The following SYCP2 variants were observed in gnomAD, a reference collection of about 807,000 sequenced individuals.
The protein encoded by SYCP2 is synaptonemal complex lateral element protein.
Under a neutral mutation model 211.3 loss-of-function variants are expected in SYCP2, and 55 were observed. That is an observed-to-expected ratio of 0.26 (90% CI 0.21 to 0.33). SYCP2 has a LOEUF of 0.33. SYCP2 is among the 10% of genes least tolerant of loss of function. The pLI is 1.00. For synonymous variants in SYCP2, 570 were observed against 555.2 expected, an observed-to-expected ratio of 1.03 and a Z score of -0.37; for missense variants, 1,731 against 1,752.0, an observed-to-expected ratio of 0.99 and a Z score of 0.21.
chr20:59,869,039 C>A, intron 36 of SYCP2, 114 bp from the exon 37 acceptor site: 1 of 685,620 alleles, frequency 1.5e-6, no homozygotes. Context: ...AATTCTTTCT[C>A]AGATTGTTTC....
chr20:59,880,135 C>T (rs572110092), intron 31 of SYCP2, among the ~76,000 whole-genome samples, 168 bp downstream of exon 31: 5 of 151,100 alleles, frequency 3.3e-5, no homozygotes, highest in South Asian at 4.2e-4. Context: ...TAAATATAAC[C>T]GTATTACTAA....
intron 18 of SYCP2, among the ~76,000 whole-genome samples, chr20:59,898,797 A>G (rs2060060581): frequency 6.6e-6 from 1 of 152,206 alleles, no homozygotes; most frequent in Non-Finnish European, 1.5e-5. Context: ...TGCAAATCTA[A>G]GTATGCTTTA....
At chr20:59,882,029 T>G in intron 27 of SYCP2, 27 bp from the exon 28 acceptor site, 1 of 1,609,380 alleles carries the variant, frequency 6.2e-7, no homozygotes, top group Non-Finnish European at 8.5e-7. Context: ...CAATATTAGC[T>G]CCACTTAAAT....
chr20:59,889,904 A>C (rs1359937221), intron 24 of SYCP2, among the ~76,000 whole-genome samples: 1 of 151,216 alleles, frequency 6.6e-6, no homozygotes, highest in African/African-American at 2.4e-5. Context: ...AAGTAAGGAA[A>C]CAACAAATGC....
At chr20:59,905,609 T>C (rs555888305) in intron 15 of SYCP2, among the ~76,000 whole-genome samples, 1 of 152,252 alleles carries the variant, frequency 6.6e-6, no homozygotes, top group South Asian at 2.1e-4. Flanking sequence ...AGTACAAGGA[T>C]GGATAGATTA....
At chr20:59,916,251 C>A (rs1203522005) in intron 8 of SYCP2, among the ~76,000 whole-genome samples, 1 of 151,854 alleles carries the variant, frequency 6.6e-6, no homozygotes, top group Admixed American at 6.6e-5. Context: ...ACTTAAGCAC[C>A]CCAAAAATCT....
chr20:59,913,736 G>A (rs887371224), intron 12 of SYCP2, among the ~76,000 whole-genome samples: 1 of 151,984 alleles, frequency 6.6e-6, no homozygotes, highest in East Asian at 1.9e-4. Flanking sequence ...AAACAGAAAT[G>A]AACTTTTCCC....
At chr20:59,872,405 A>C (rs758081179) in intron 35 of SYCP2, among the ~76,000 whole-genome samples, 4 of 151,930 alleles carry the variant, frequency 2.6e-5, no homozygotes, top group Non-Finnish European at 5.9e-5. Flanking sequence ...GACTGTGGAG[A>C]TATCGTAGTG....
intron 7 of SYCP2, among the ~76,000 whole-genome samples, chr20:59,918,517 T>C (rs1774484105): frequency 1.3e-5 from 2 of 152,200 alleles, no homozygotes; most frequent in Admixed American, 6.5e-5. Context: ...TCCATTTAAT[T>C]GTGCAACTGG....
intron 2 of SYCP2, among the ~76,000 whole-genome samples, chr20:59,930,785 C>T (rs1249499206): frequency 6.6e-6 from 1 of 151,910 alleles, no homozygotes; most frequent in Admixed American, 6.6e-5. Context: ...TTTAAGGAAA[C>T]AATTACAATT....
chr20:59,879,838 T>TATATAC (rs1568921863), intron 31 of SYCP2, among the ~76,000 whole-genome samples: 1 of 116,344 alleles, frequency 8.6e-6, no homozygotes, highest in Non-Finnish European at 1.7e-5. Flanking sequence ...TATATATATA[T>TATATAC]ATATATATAT....
intron 26 of SYCP2, among the ~76,000 whole-genome samples, chr20:59,882,755 C>T (rs185758068): frequency 5.3e-5 from 8 of 151,834 alleles, no homozygotes; most frequent in Admixed American, 3.9e-4. Context: ...GAGCGTAGAA[C>T]GGTGATTATC....
At chr20:59,921,000 TA>T in intron 4 of SYCP2, among the ~76,000 whole-genome samples, 1 of 151,762 alleles carries the variant, frequency 6.6e-6, no homozygotes, top group Non-Finnish European at 1.5e-5. Context: ...AGGTTTTTTT[TA>T]AAAATCTATG....
Position 59,892,398 on chromosome 20 carries a change from T to C in SYCP2, c.1956A>G (p.Lys652=). 1.9e-6 allele frequency: 3 copies of C among 1,541,034 alleles called. No individual in the cohort carries two copies. Among genetic ancestry groups the C allele is most frequent in the Non-Finnish European group, 2.6e-6 (3 of 1,136,898 alleles). ...QDIVINKKLT[K]QKSSSSISDH... The stretch of plus-strand genomic sequence containing the variant: ...CAGATATTGAAGAGGATGATTTTTG[T>C]TTAGTAAGTTTTTTATTTATAACAA... Residue 652 remains lysine (K), a synonymous_variant, in exon 24 of 45, where the codon AAA becomes AAG. Transcript: ENST00000357552.
chr20:59,896,143 A>G (rs1200467984), intron 19 of SYCP2, among the ~76,000 whole-genome samples: 1 of 152,094 alleles, frequency 6.6e-6, no homozygotes, highest in Non-Finnish European at 1.5e-5. Context: ...TGGGGAGCTA[A>G]GTCCACCTGG....
chr20:59,888,845 A>G (rs757819229), intron 24 of SYCP2, among the ~76,000 whole-genome samples: 1 of 152,110 alleles, frequency 6.6e-6, no homozygotes. Context: ...CTTATAAACC[A>G]ACAATGAACA....
At chr20:59,882,234 A>T (rs941348945) in intron 26 of SYCP2, 69 bp from the exon 27 acceptor site, 10 of 1,130,238 alleles carry the variant, frequency 8.8e-6, no homozygotes, top group Non-Finnish European at 1.3e-5. Context: ...CAACAGCACT[A>T]ATCAGAAATG....
intron 7 of SYCP2, among the ~76,000 whole-genome samples, chr20:59,917,302 A>G (rs2060461532): frequency 6.6e-6 from 1 of 152,204 alleles, no homozygotes; most frequent in Non-Finnish European, 1.5e-5. Flanking sequence ...AGCCCCTTTT[A>G]CGTTAACGCA....
At chr20:59,921,211 G>T (rs893308811) in intron 4 of SYCP2, 99 bp downstream of exon 4, 7 of 956,366 alleles carry the variant, frequency 7.3e-6, no homozygotes, top group Non-Finnish European at 1.1e-5. Context: ...GACTGAGCTT[G>T]CCCAAGCCTA....
Sources: gnomAD v4.1 joint callset for allele counts (sites outside exome capture counted in the v4.1 genomes callset) on GRCh38, gnomAD v4.1.1 for gene constraint, MANE v1.5 for transcripts, NCBI Gene and HGNC (gene_info 2026-07-23, HGNC 2026-07-21) for gene names.